Variants in SUPT5H observed in about 807,000 individuals in gnomAD.
SUPT5H encodes transcription elongation factor SPT5.
SUPT5H carries 24 observed loss-of-function variants against 142.5 expected under a neutral mutation model. The observed-to-expected ratio is 0.17, with a 90% CI of 0.12 to 0.24. SUPT5H has a LOEUF of 0.24. Ranked by LOEUF, SUPT5H falls within the 10% of genes least tolerant of loss-of-function variation. The probability of loss-of-function intolerance (pLI) is 1.00; values close to 1 mark genes in which losing one functional copy is unlikely to be tolerated. For synonymous variants in SUPT5H, 546 were observed against 553.0 expected, an observed-to-expected ratio of 0.99 and a Z score of 0.18; for missense variants, 893 against 1,471.8, an observed-to-expected ratio of 0.61 and a Z score of 6.43.
At position 39,458,648 on chromosome 19, in the gene SUPT5H, G is replaced by T. The variant is rs1022622981; in HGVS notation, c.320-170G>T. On this transcript the variant is annotated intron_variant, in intron 5 of 29. Coordinates refer to ENST00000432763, the MANE Select transcript of SUPT5H (RefSeq NM_001111020.3). The surrounding 1 kb of genome is among the most constrained non-coding windows in gnomAD (Gnocchi z 4.2). ...TCCCCAGTCTTTTTGACAAGAAGCA[G>T]GATGCTGAGTAGGACAGAGTAGGGG... 7 of 737,834 alleles carry T rather than the reference G, an allele frequency of 9.5e-6. No individual in the cohort carries two copies. The highest frequency in any genetic ancestry group is 1.5e-5 in the Non-Finnish European group (7 of 456,308). 45.7% of individuals were successfully genotyped at this position (737,834 alleles called of 1,614,324 possible).
intron 10 of SUPT5H, among the ~76,000 whole-genome samples, chr19:39,461,988 C>T (rs1055185276): frequency 2.0e-5 from 3 of 151,634 alleles, no homozygotes; most frequent in Admixed American, 2.0e-4. Flanking sequence ...GGCTGGAGTG[C>T]AATGGTGTGG....
In SUPT5H at chr19:39,464,641, A is replaced by T. The variant is rs796800573; in HGVS notation, c.625-157A>T. On this transcript the variant is annotated intron_variant, in intron 10 of 29. Coordinates refer to ENST00000432763, the MANE Select transcript of SUPT5H (RefSeq NM_001111020.3). ...TTAGTCTGGTTTGTTTGCTGTGATA[A>T]ATAATTCTGCAGGGAACACCTTTGT... Among the ~76,000 whole-genome samples the T allele has an allele frequency of 7.9e-5, 12 of 152,338 alleles. No individual in the cohort carries two copies. The highest frequency in any genetic ancestry group is 2.9e-4 in the African/African-American group (12 of 41,576).
At chr19:39,475,092 C>G (rs1255737238) in intron 28 of SUPT5H, 1 of 298,046 alleles carries the variant, frequency 3.4e-6, no homozygotes, top group Non-Finnish European at 6.5e-6. Flanking sequence ...ACATAAAGAG[C>G]CAAAGGGGGC....
Position 39,474,000 on chromosome 19 carries a change from C to A in SUPT5H, c.2530C>A (p.Pro844Thr). 1 of 1,613,858 alleles carries A rather than the reference C, an allele frequency of 6.2e-7. No individual in the cohort carries two copies. The highest frequency in any genetic ancestry group is 8.5e-7 in the Non-Finnish European group (1 of 1,179,924). The change falls in exon 26 of 30, where the codon CCC becomes ACC. Residue 844 changes from proline (P) to threonine (T), a missense_variant. Pro to Thr is a conservative substitution (Grantham distance 38). This residue lies in a region of SUPT5H where 336 missense variants were observed against 546.5 expected (regional missense o/e 0.61). Coordinates refer to ENST00000432763, the MANE Select transcript of SUPT5H (RefSeq NM_001111020.3). The surrounding 1 kb of genome is among the most constrained non-coding windows in gnomAD (Gnocchi z 5.8). ...EEYEYAFDDE[P>T]TPSPQAYGGT... ...ATATGAGTATGCTTTCGATGATGAG[C>A]CCACCCCGTCCCCGCAGGCCTATGG...
chr19:39,460,594 T>C (rs2079148326), intron 10 of SUPT5H, among the ~76,000 whole-genome samples: 1 of 152,032 alleles, frequency 6.6e-6, no homozygotes, highest in Admixed American at 6.6e-5. Flanking sequence ...AAAACTCAGC[T>C]GGGCGTGGTG....
intron 19 of SUPT5H, 50 bp downstream of exon 19, chr19:39,471,553 T>G: frequency 6.2e-7 from 1 of 1,613,812 alleles, no homozygotes; most frequent in Non-Finnish European, 8.5e-7. Flanking sequence ...ATTTGGTTGG[T>G]TGGGGGTGAG....
At chr19:39,454,356 G>GTT (rs869183044) in intron 3 of SUPT5H, among the ~76,000 whole-genome samples, 4 of 26,168 alleles carry the variant, frequency 1.5e-4, no homozygotes, top group Non-Finnish European at 1.3e-4. Flanking sequence ...TGTTGTCGTT[G>GTT]TTTTTTTTTT....
intron 11 of SUPT5H, among the ~76,000 whole-genome samples, chr19:39,465,949 A>C (rs2079229514): frequency 6.6e-6 from 1 of 152,196 alleles, no homozygotes. Flanking sequence ...TGAGCATCCC[A>C]AATCTGAAAA....
Position 39,458,209 on chromosome 19 carries a change from G to T in SUPT5H, c.308-85G>T. The T allele has an allele frequency of 6.4e-7, 1 of 1,553,352 alleles. No individual in the cohort carries two copies. On this transcript the variant is annotated intron_variant, in intron 4 of 29. Transcript: ENST00000432763. This position sits in a 1 kb window ranked among gnomAD's most constrained non-coding sequence, Gnocchi z 4.2. ...TGGTTGATTTTGCTGCTATAATTTG[G>T]CTCATACTTTGTCTGCCCTCGCCCA... is the stretch of plus-strand genomic sequence containing the variant.
In SUPT5H at chr19:39,469,591, G is replaced by A; in HGVS notation, c.1374+193G>A. 1.4e-6 allele frequency: 1 copy of A among 716,224 alleles called. No homozygotes were observed. The highest frequency in any genetic ancestry group is 2.3e-6 in the Non-Finnish European group (1 of 435,818). 44.4% of individuals were successfully genotyped at this position (716,224 alleles called of 1,614,324 possible). On this transcript the variant is annotated intron_variant, in intron 16 of 29. Transcript: ENST00000432763. This position sits in a 1 kb window ranked among gnomAD's most constrained non-coding sequence, Gnocchi z 5.1. The stretch of plus-strand genomic sequence containing the variant: ...GGGTCGGTGGGCAGCAGGCCTGCCT[G>A]GTGGTGTCTGTCTCTGGAGAGTGAC...
In SUPT5H at chr19:39,474,801, G is replaced by T. The variant is rs1047724861; in HGVS notation, c.3024+83G>T. The T allele has an allele frequency of 2.8e-6, 4 of 1,453,504 alleles. No homozygotes were observed. Among genetic ancestry groups the T allele is most frequent in the Non-Finnish European group, 3.7e-6 (4 of 1,067,738 alleles). The allele number at this position is 1,453,504 out of a possible 1,614,324, so 90.0% of individuals were successfully genotyped here. A position where few individuals can be genotyped will look rare whatever the true frequency, so the allele number is the denominator to read the frequency against. ...CTGGAGACAGACCTGTCCCCAGATG[G>T]TGACAGCCCAGAGTGGGCAGAGCTG... On this transcript the variant is annotated intron_variant, in intron 28 of 29. Transcript: ENST00000432763. The surrounding 1 kb of genome is among the most constrained non-coding windows in gnomAD (Gnocchi z 6.5).
chr19:39,471,264 C>T, intron 18 of SUPT5H, 93 bp from the exon 19 acceptor site: 1 of 1,487,002 alleles, frequency 6.7e-7, no homozygotes. Context: ...GACTGTCTCC[C>T]ACAAGGAAGG....
In SUPT5H at chr19:39,470,294, G is replaced by C. The variant is rs928302811; in HGVS notation, c.1530+20G>C. 4.5e-6 allele frequency: 7 copies of C among 1,554,018 alleles called. No homozygotes were observed. The highest frequency in any genetic ancestry group is 3.5e-4 in the Middle Eastern group (2 of 5,784). On this transcript the variant is annotated intron_variant, in intron 17 of 29. Transcript: ENST00000432763. This position sits in a 1 kb window ranked among gnomAD's most constrained non-coding sequence, Gnocchi z 5.8. ...CATGAGGTAGGTGGATAGAAGGGTC[G>C]GGGAAGGGTGCACGTGCCAAGAGGA...
intron 13 of SUPT5H, chr19:39,467,462 C>T (rs1286566812): frequency 2.0e-5 from 3 of 152,240 alleles, no homozygotes; most frequent in Non-Finnish European, 1.5e-5. Flanking sequence ...CATATGTACT[C>T]AGAATGCCCT....
At chr19:39,463,611 C>T (rs35061477) in intron 10 of SUPT5H, among the ~76,000 whole-genome samples, 24,323 of 152,048 alleles carry the variant, frequency 0.16, 2,024 homozygotes, top group Non-Finnish European at 0.18. Flanking sequence ...TTCCCATTTC[C>T]GCTTAATAAG....
chr19:39,458,208 G>C lies in SUPT5H; in HGVS notation c.308-86G>C, dbSNP rs1312012500. 11 of 1,497,966 alleles carry C rather than the reference G, an allele frequency of 7.3e-6. No individual in the cohort carries two copies. The highest frequency in any genetic ancestry group is 7.2e-5 in the Admixed American group (4 of 55,872). 92.8% of individuals were successfully genotyped at this position (1,497,966 alleles called of 1,614,324 possible). A position where few individuals can be genotyped will look rare whatever the true frequency, so the allele number is the denominator to read the frequency against. On this transcript the variant is annotated intron_variant, in intron 4 of 29. Coordinates refer to ENST00000432763, the MANE Select transcript of SUPT5H (RefSeq NM_001111020.3). This position sits in a 1 kb window ranked among gnomAD's most constrained non-coding sequence, Gnocchi z 4.2. ...TTGGTTGATTTTGCTGCTATAATTT[G>C]GCTCATACTTTGTCTGCCCTCGCCC...
rs752659937 is a variant in SUPT5H at position 39,468,789 on chromosome 19, C to T, written c.1071C>T (p.Asp357=). 5 of 1,614,062 alleles carry T rather than the reference C, an allele frequency of 3.1e-6. No homozygotes were observed. The African/African-American group carries it at 6.7e-5, about 22-fold the overall frequency. The change falls in exon 14 of 30, where the codon GAC becomes GAT. Residue 357 remains aspartate, a synonymous_variant. Transcript: ENST00000432763. ...SLGGDVASDG[D]FLIFEGNRYS... ...GGGGTGATGTTGCCTCTGATGGTGA[C>T]TTCCTCATCTTTGAGGGGAACCGTT...
At chr19:39,446,337 T>A (rs2078954117) in intron 2 of SUPT5H, among the ~76,000 whole-genome samples, 1 of 152,162 alleles carries the variant, frequency 6.6e-6, no homozygotes, top group Non-Finnish European at 1.5e-5. Flanking sequence ...AAAAAGATTT[T>A]AAAAATGTCT....
chr19:39,459,480 G>T lies in SUPT5H; in HGVS notation c.525-79G>T, dbSNP rs999559952. ...AACCTGGATGTGAAACCAGAGGAAG[G>T]GGGTGGCCCTGGGGGTTCGTCTGTT... On this transcript the variant is annotated intron_variant, in intron 8 of 29. Transcript: ENST00000432763. The T allele has an allele frequency of 3.8e-6, 6 of 1,560,204 alleles. 1 individual carries two copies. In the Admixed American group the frequency reaches 6.8e-5, roughly 18 times the overall value.
Sources: allele counts gnomAD v4.1 joint callset (sites outside exome capture counted in the v4.1 genomes callset), GRCh38; gene constraint gnomAD v4.1.1; regional missense constraint gnomAD v4.1.1; non-coding constraint Gnocchi (gnomAD v3.1); transcripts MANE v1.5; gene names NCBI Gene and HGNC (gene_info 2026-07-23, HGNC 2026-07-21).